Variants in SGPL1 observed in about 807,000 individuals in gnomAD.
SGPL1 encodes the protein sphingosine-1-phosphate lyase 1, also known as SP-lyase 1.
SGPL1 carries 37 observed loss-of-function variants against 68.9 expected under a neutral mutation model. That is an observed-to-expected ratio of 0.54 (90% CI 0.41 to 0.71). The LOEUF (loss-of-function observed/expected upper bound fraction) is 0.71, where lower values mean the gene tolerates loss of function less well. Among genes scored for constraint, SGPL1 ranks in the 30% least tolerant of loss-of-function variants. The pLI, the probability that SGPL1 is intolerant of heterozygous loss-of-function variation, is 0.00. For synonymous variants in SGPL1, 236 were observed against 248.5 expected (o/e 0.95, Z 0.47); for missense variants, 551 against 704.6 (o/e 0.78, Z 2.47).
At chr10:70,875,687 C>G (rs955796592) in intron 13 of SGPL1, 139 bp downstream of exon 13, 2 of 592,356 alleles carry the variant, frequency 3.4e-6, no homozygotes, top group Non-Finnish European at 2.9e-6. Context: ...AAGGATTTCT[C>G]TCTTGCCACC....
intron 2 of SGPL1, among the ~76,000 whole-genome samples, chr10:70,822,578 T>G (rs1334604840): frequency 6.6e-6 from 1 of 152,124 alleles, no homozygotes; most frequent in African/African-American, 2.4e-5. Context: ...ATTACTGAGA[T>G]AAAAACCATG....
At chr10:70,876,942 A>C (rs552679005) in intron 14 of SGPL1, among the ~76,000 whole-genome samples, 1 of 152,366 alleles carries the variant, frequency 6.6e-6, no homozygotes, top group South Asian at 2.1e-4. Context: ...CACAGGAAAG[A>C]TAGTAAACAT....
chr10:70,844,485 C>T lies in SGPL1; in HGVS notation c.40C>T (p.Pro14Ser). 1 of 1,613,378 alleles carries T rather than the reference C, an allele frequency of 6.2e-7. No individual in the cohort carries two copies. Residue 14 changes from proline (P) to serine (S), a missense_variant, in exon 3 of 15, where the codon CCC becomes TCC. Pro to Ser is a moderately conservative substitution (Grantham distance 74). Coordinates refer to ENST00000373202, the MANE Select transcript of SGPL1 (RefSeq NM_003901.4). ...TDLLMLKAFE[P>S]YLEILEVYST... ...CTTGTATTTCTAGAAGGCCTTTGAG[C>T]CCTACTTAGAGATTTTGGAAGTATA...
chr10:70,840,837 T>C (rs1845702312), intron 2 of SGPL1, among the ~76,000 whole-genome samples: 1 of 152,190 alleles, frequency 6.6e-6, no homozygotes. Flanking sequence ...TAAAAATTAG[T>C]TTGCATTTGC....
At chr10:70,843,030 A>G (rs1845740019) in intron 2 of SGPL1, among the ~76,000 whole-genome samples, 1 of 152,168 alleles carries the variant, frequency 6.6e-6, no homozygotes, top group African/African-American at 2.4e-5. Context: ...CTTTTTATGC[A>G]TTTGCAGCTA....
rs1161838337 is a variant in SGPL1, at chr10:70,821,377, T to G, written c.27+4497T>G. Among the ~76,000 whole-genome samples the G allele has an allele frequency of 3.9e-5, 6 of 152,364 alleles. No individual in the cohort carries two copies. In the East Asian group the frequency reaches 1.2e-3, roughly 29 times the overall value. On this transcript the variant is annotated intron_variant, in intron 2 of 14. Coordinates refer to ENST00000373202, the MANE Select transcript of SGPL1 (RefSeq NM_003901.4). ...AGAAAAAGGTATTTTATAAAGCCAG[T>G]CTACCCCTTAGGTGGCTTTTTTCTT...
rs551206572 is a variant in SGPL1, at chr10:70,824,288, A to G, written c.27+7408A>G. Among the ~76,000 whole-genome samples the G allele has an allele frequency of 3.9e-5, 6 of 152,376 alleles. No homozygotes were observed. The East Asian group carries it at 1.2e-3, about 29-fold the overall frequency. ...TACAAGATAGCATTCTGCTTTGATG[A>G]GAAAACTGAGCTAATCTGAGTGAAA... is the stretch of plus-strand genomic sequence containing the variant. On this transcript the variant is annotated intron_variant, in intron 2 of 14. Transcript: ENST00000373202.
rs955782721 is a variant in SGPL1, at chr10:70,876,755, T to G, written c.1566+94T>G. 5 of 1,105,502 alleles carry G rather than the reference T, an allele frequency of 4.5e-6. No homozygotes were observed. In the African/African-American group the frequency reaches 7.9e-5, roughly 17 times the overall value. The allele number at this position is 1,105,502 out of a possible 1,614,324, so 68.5% of individuals were successfully genotyped here. On this transcript the variant is annotated intron_variant, in intron 14 of 14. Coordinates refer to ENST00000373202, the MANE Select transcript of SGPL1 (RefSeq NM_003901.4). ...ATATGACCCGGAGTCTGTTCCTGCC[T>G]CTGCCCCTTTGCCACAGACATCTTT...
At chr10:70,836,364 C>T (rs1169468352) in intron 2 of SGPL1, among the ~76,000 whole-genome samples, 1 of 152,190 alleles carries the variant, frequency 6.6e-6, no homozygotes, top group South Asian at 2.1e-4. Flanking sequence ...GTTCCAATAT[C>T]TTGTGGAATT....
intron 2 of SGPL1, among the ~76,000 whole-genome samples, chr10:70,841,440 A>G (rs1250795419): frequency 1.3e-5 from 2 of 152,200 alleles, no homozygotes; most frequent in African/African-American, 4.8e-5. Flanking sequence ...AACAGCAGAT[A>G]TGGTGCCTGA....
intron 3 of SGPL1, among the ~76,000 whole-genome samples, chr10:70,846,593 A>G (rs1007073661): frequency 1.3e-5 from 2 of 152,128 alleles, no homozygotes; most frequent in Non-Finnish European, 2.9e-5. Context: ...ATAACTGCCC[A>G]TTACTCTCTC....
chr10:70,877,498 T>C lies in SGPL1; in HGVS notation c.*163T>C. The C allele has an allele frequency of 1.8e-6, 1 of 569,784 alleles. No homozygotes were observed. The allele number at this position is 569,784 out of a possible 1,614,324, so 35.3% of individuals were successfully genotyped here. Reference sequence around the variant, plus strand: ...CTCAGGATTCTTGTTCTTCCTCTTATCTTCCTTTTGTGGTTTTTAATTTGA... The same window carrying C: ...CTCAGGATTCTTGTTCTTCCTCTTACCTTCCTTTTGTGGTTTTTAATTTGA... On this transcript the variant is annotated 3_prime_UTR_variant, in exon 15 of 15. Transcript: ENST00000373202.
intron 2 of SGPL1, among the ~76,000 whole-genome samples, chr10:70,827,652 T>C (rs1450955602): frequency 6.6e-6 from 1 of 152,140 alleles, no homozygotes; most frequent in Non-Finnish European, 1.5e-5. Context: ...GAATGAGTCA[T>C]TTTTGAGTTT....
intron 2 of SGPL1, among the ~76,000 whole-genome samples, chr10:70,830,609 T>C (rs186082774): frequency 1.5e-3 from 234 of 152,332 alleles, no homozygotes; most frequent in Non-Finnish European, 2.6e-3. Context: ...ATCTTGGGCT[T>C]ACTTTACTTA....
chr10:70,825,588 G>A (rs1187759028), intron 2 of SGPL1, among the ~76,000 whole-genome samples: 1 of 152,166 alleles, frequency 6.6e-6, no homozygotes, highest in Non-Finnish European at 1.5e-5. Context: ...CCACAGCTTT[G>A]GCAAGCCCAA....
chr10:70,858,495 T>A lies in SGPL1; in HGVS notation c.486+805T>A, dbSNP rs987634248. Among the ~76,000 whole-genome samples, 6 of 152,294 alleles carry A rather than the reference T, an allele frequency of 3.9e-5. No individual in the cohort carries two copies. In the East Asian group the frequency reaches 1.2e-3, roughly 29 times the overall value. ...TATAAAATTGGGGTTGTACTGATGA[T>A]CTCTAAGGTCTTTGTGTTTGATTAT... is the stretch of plus-strand genomic sequence containing the variant. On this transcript the variant is annotated intron_variant, in intron 6 of 14. Coordinates refer to ENST00000373202, the MANE Select transcript of SGPL1 (RefSeq NM_003901.4).
At chr10:70,829,580 T>A (rs976675217) in intron 2 of SGPL1, among the ~76,000 whole-genome samples, 1 of 152,238 alleles carries the variant, frequency 6.6e-6, no homozygotes, top group Non-Finnish European at 1.5e-5. Context: ...GTATCTTTTT[T>A]TTTTCTCCTG....
At chr10:70,860,529 C>A in intron 7 of SGPL1, 1 of 443,100 alleles carries the variant, frequency 2.3e-6, no homozygotes, top group South Asian at 1.7e-5. Flanking sequence ...AAAACAGAAC[C>A]ACCCATAATA....
At chr10:70,849,780 A>G (rs957334480) in intron 3 of SGPL1, among the ~76,000 whole-genome samples, 1 of 152,238 alleles carries the variant, frequency 6.6e-6, no homozygotes, top group African/African-American at 2.4e-5. Flanking sequence ...CACACCTTGG[A>G]TAAAAGCCAG....
Sources: gnomAD v4.1 joint callset for allele counts (sites outside exome capture counted in the v4.1 genomes callset) on GRCh38, gnomAD v4.1.1 for gene constraint, MANE v1.5 for transcripts, NCBI Gene and HGNC (gene_info 2026-07-23, HGNC 2026-07-21) for gene names.